ZNF143: variants seen among roughly 807,000 people sequenced by gnomAD.
ZNF143 encodes the protein SPH-binding factor.
Under a neutral mutation model 74.1 loss-of-function variants are expected in ZNF143, and 49 were observed. That is an observed-to-expected ratio of 0.66 (90% CI 0.53 to 0.84). ZNF143 has a LOEUF of 0.84. Ranked by LOEUF, ZNF143 falls within the 40% of genes least tolerant of loss-of-function variation. ZNF143 has a pLI of 0.00. For synonymous variants in ZNF143, 304 were observed against 282.8 expected (o/e 1.07, Z -0.75); for missense variants, 637 against 793.4 (o/e 0.80, Z 2.37).
intron 7 of ZNF143, among the ~76,000 whole-genome samples, chr11:9,489,370 G>C (rs1348329395): frequency 6.6e-6 from 1 of 152,146 alleles, no homozygotes; most frequent in African/African-American, 2.4e-5. Context: ...AGAGACCTCA[G>C]TAGTTCTCCC....
At chr11:9,464,111 T>TGC (rs1554959798) in intron 1 of ZNF143, among the ~76,000 whole-genome samples, 2 of 151,722 alleles carry the variant, frequency 1.3e-5, no homozygotes, top group African/African-American at 4.8e-5. Flanking sequence ...TGTGTGTGTG[T>TGC]GTGTATTTGT....
chr11:9,464,535 A>T (rs926522815), intron 1 of ZNF143, among the ~76,000 whole-genome samples: 9 of 151,866 alleles, frequency 5.9e-5, no homozygotes, highest in Non-Finnish European at 7.4e-5. Flanking sequence ...TGGGAGGTGG[A>T]GGTTGCAGTG....
At chr11:9,465,033 G>C (rs1017954485) in intron 1 of ZNF143, among the ~76,000 whole-genome samples, 1 of 152,036 alleles carries the variant, frequency 6.6e-6, no homozygotes, top group African/African-American at 2.4e-5. Context: ...AAAATTTATA[G>C]GAATAAAAAA....
chr11:9,468,400 C>T (rs1011157081), intron 1 of ZNF143, among the ~76,000 whole-genome samples: 1 of 152,176 alleles, frequency 6.6e-6, no homozygotes, highest in African/African-American at 2.4e-5. Context: ...TCTCTGTTGT[C>T]ACTTCAAAGG....
At chr11:9,485,875 A>G (rs1847453394) in intron 7 of ZNF143, among the ~76,000 whole-genome samples, 1 of 151,538 alleles carries the variant, frequency 6.6e-6, no homozygotes, top group Admixed American at 6.6e-5. Context: ...GTTACAGTAA[A>G]TGGGATTATA....
rs534049041 is a variant in ZNF143, at chr11:9,512,861, TCAAAAGTACTGGATC to T, written c.1524+268_1524+282del. 5.3e-5 allele frequency among the ~76,000 whole-genome samples: 8 copies of T among 152,108 alleles called. No homozygotes were observed. The East Asian group carries it at 1.5e-3, about 29-fold the overall frequency. ...GTCAGCCACAGAGAGGCTCAGGGCTTCAAAAGTACTGGATCCATGTGAAACACAGATCAGAAAAGG... is the reference window on the plus strand; with the variant it reads ...GTCAGCCACAGAGAGGCTCAGGGCTTCATGTGAAACACAGATCAGAAAAGG... On this transcript the variant is annotated intron_variant, in intron 13 of 15. Coordinates refer to ENST00000396602, the MANE Select transcript of ZNF143 (RefSeq NM_003442.6).
intron 1 of ZNF143, among the ~76,000 whole-genome samples, chr11:9,468,134 A>G (rs1469546829): frequency 6.6e-6 from 1 of 152,170 alleles, no homozygotes; most frequent in Non-Finnish European, 1.5e-5. Context: ...TTTTGCTGAA[A>G]GCAATCCAGG....
Position 9,471,935 on chromosome 11 carries a change from G to GT in ZNF143, c.112+527dup, listed in dbSNP as rs11285095. On this transcript the variant is annotated intron_variant, in intron 2 of 15. Transcript: ENST00000396602. Reference sequence around the variant, plus strand: ...TTTTCTTTTTCTTTTCTTTTCTTTTGTTTTTTTTTTTTGAGACAAGGTCTT... The same window carrying GT: ...TTTTCTTTTTCTTTTCTTTTCTTTTGTTTTTTTTTTTTTGAGACAAGGTCTT... Among the ~76,000 whole-genome samples the GT allele has an allele frequency of 2.1e-3, 294 of 136,794 alleles. 1 individual carries two copies. The highest frequency in any genetic ancestry group is 0.013 in the East Asian group (60 of 4,504). 89.7% of individuals were successfully genotyped at this position (136,794 alleles called of 152,430 possible). A position where few individuals can be genotyped will look rare whatever the true frequency, so the allele number is the denominator to read the frequency against.
intron 14 of ZNF143, 129 bp downstream of exon 14, chr11:9,516,491 C>T: frequency 1.2e-6 from 1 of 831,936 alleles, no homozygotes; most frequent in Non-Finnish European, 1.8e-6. Flanking sequence ...AACTTCTTAG[C>T]TACTTAACCC....
chr11:9,525,449 A>T, intron 15 of ZNF143, 63 bp downstream of exon 15: 1 of 1,601,408 alleles, frequency 6.2e-7, no homozygotes, highest in Non-Finnish European at 8.6e-7. Context: ...TCAACTTTGT[A>T]CACTGTGCTT....
At chr11:9,525,188 T>C (rs919148086) in intron 14 of ZNF143, 52 bp from the exon 15 acceptor site, 1 of 1,606,684 alleles carries the variant, frequency 6.2e-7, no homozygotes, top group African/African-American at 1.3e-5. Flanking sequence ...TTAACCTATT[T>C]AAATCGCAGG....
chr11:9,510,345 C>T (rs1358119558), intron 12 of ZNF143, among the ~76,000 whole-genome samples: 4 of 151,974 alleles, frequency 2.6e-5, no homozygotes, highest in Non-Finnish European at 2.9e-5. Flanking sequence ...AGGATGGTCT[C>T]GATCTCCTGA....
intron 1 of ZNF143, among the ~76,000 whole-genome samples, chr11:9,464,431 T>C (rs946713405): frequency 6.6e-6 from 1 of 151,950 alleles, no homozygotes; most frequent in Non-Finnish European, 1.5e-5. Context: ...TGAAACCCTG[T>C]CTCTACTAAA....
At chr11:9,484,060 A>G (rs1242786683) in intron 7 of ZNF143, among the ~76,000 whole-genome samples, 1 of 150,982 alleles carries the variant, frequency 6.6e-6, no homozygotes, top group Non-Finnish European at 1.5e-5. Flanking sequence ...GTAAATTTTT[A>G]ATCACATATG....
chr11:9,479,427 T>C, intron 6 of ZNF143, 45 bp from the exon 7 acceptor site: 1 of 1,535,046 alleles, frequency 6.5e-7, no homozygotes. Flanking sequence ...GCCTAAACCA[T>C]TATCAAAATG....
At chr11:9,462,007 G>C (rs1371624691) in intron 1 of ZNF143, 1 of 152,194 alleles carries the variant, frequency 6.6e-6, no homozygotes, top group African/African-American at 2.4e-5. Context: ...CTTACCAGAA[G>C]ATACTTGTGT....
At chr11:9,496,801 T>C (rs1847974714) in intron 9 of ZNF143, among the ~76,000 whole-genome samples, 1 of 152,080 alleles carries the variant, frequency 6.6e-6, no homozygotes. Flanking sequence ...TTTCACTATG[T>C]TGGCCAGGCT....
Position 9,501,253 on chromosome 11 carries a change from A to G in ZNF143, c.1130A>G (p.His377Arg), listed in dbSNP as rs1459383302. The change falls in exon 11 of 16, where the codon CAT becomes CGT. Residue 377 changes from histidine to arginine, a missense_variant. Physicochemically the swap from His to Arg is conservative, Grantham distance 29. Coordinates refer to ENST00000396602, the MANE Select transcript of ZNF143 (RefSeq NM_003442.6). Reference protein sequence around the residue: ...AFASATNYKNHVRIHTGEKPY... With the variant: ...AFASATNYKNRVRIHTGEKPY... ...GCCAGTGCAACAAATTATAAAAACC[A>G]TGTGAGGATACACACAGGTAACAAT... The G allele has an allele frequency of 2.5e-6, 4 of 1,614,138 alleles. No homozygotes were observed. Among genetic ancestry groups the G allele is most frequent in the East Asian group, 2.2e-5 (1 of 44,890 alleles).
intron 11 of ZNF143, among the ~76,000 whole-genome samples, chr11:9,502,583 C>A (rs1383448309): frequency 6.8e-6 from 1 of 146,264 alleles, no homozygotes; most frequent in Non-Finnish European, 1.5e-5. Context: ...GCACTCCAGC[C>A]TGAGCAAGAG....
Sources: allele counts gnomAD v4.1 joint callset (sites outside exome capture counted in the v4.1 genomes callset), GRCh38; gene constraint gnomAD v4.1.1; transcripts MANE v1.5; gene names NCBI Gene and HGNC (gene_info 2026-07-23, HGNC 2026-07-21).